The following PDZRN4 variants were observed in gnomAD, a reference collection of about 807,000 sequenced individuals.
PDZRN4 encodes PDZ domain containing ring finger 4, also known as PDZ domain-containing RING finger protein 4.
In PDZRN4, 70 loss-of-function variants were observed where a neutral mutation model predicts 99.0. The ratio of observed to expected loss-of-function variants is 0.71; its 90% CI spans 0.58 to 0.86. The LOEUF (loss-of-function observed/expected upper bound fraction) is 0.86, where lower values mean the gene tolerates loss of function less well. Among genes scored for constraint, PDZRN4 ranks in the 40% least tolerant of loss-of-function variants. The probability of loss-of-function intolerance (pLI) is 0.00; values close to 1 mark genes in which losing one functional copy is unlikely to be tolerated. For synonymous variants in PDZRN4, 551 were observed against 501.6 expected (o/e 1.10, Z -1.32); for missense variants, 1,474 against 1,331.2 (o/e 1.11, Z -1.67).
intron 3 of PDZRN4, among the ~76,000 whole-genome samples, chr12:41,403,426 T>C (rs565663502): frequency 1.3e-5 from 2 of 152,172 alleles, no homozygotes; most frequent in African/African-American, 2.4e-5. Context: ...TATAAGCTAT[T>C]TCCATCGGGA....
At chr12:41,369,082 T>C (rs1461072590) in intron 3 of PDZRN4, among the ~76,000 whole-genome samples, 1 of 152,122 alleles carries the variant, frequency 6.6e-6, no homozygotes, top group Non-Finnish European at 1.5e-5. Flanking sequence ...TAAAGATAAT[T>C]ATTTTTATGT....
chr12:41,528,070 G>C (rs182768223), intron 5 of PDZRN4, among the ~76,000 whole-genome samples: 1 of 152,258 alleles, frequency 6.6e-6, no homozygotes, highest in African/African-American at 2.4e-5. Flanking sequence ...TAGCAAAAAG[G>C]GTAGTAAATT....
intron 3 of PDZRN4, among the ~76,000 whole-genome samples, chr12:41,390,325 C>A (rs1039300890): frequency 6.6e-6 from 1 of 151,892 alleles, no homozygotes; most frequent in African/African-American, 2.4e-5. Context: ...TTAAATGCAG[C>A]CTGAGATATT....
At chr12:41,499,115 G>A (rs948720862) in intron 3 of PDZRN4, among the ~76,000 whole-genome samples, 5 of 152,080 alleles carry the variant, frequency 3.3e-5, no homozygotes, top group African/African-American at 1.2e-4. Flanking sequence ...GGAGAGTGAA[G>A]GTGAGTCAGG....
chr12:41,309,681 T>TATAA lies in PDZRN4; in HGVS notation c.843+115510_843+115513dup, dbSNP rs550886314. On this transcript the variant is annotated intron_variant, in intron 3 of 9. Coordinates refer to ENST00000402685, the MANE Select transcript of PDZRN4 (RefSeq NM_001164595.2). ...ATGGCTGTAATATGTAAAGCCTTGA[T>TATAA]ATAAATAAATAAATAAATAAGAAAA... Among the ~76,000 whole-genome samples the TATAA allele has an allele frequency of 1.4e-3, 214 of 152,008 alleles. 1 individual carries two copies. Among genetic ancestry groups the TATAA allele is most frequent in the African/African-American group, 2.4e-3 (98 of 41,478 alleles).
At chr12:41,439,277 A>G (rs1952657125) in intron 3 of PDZRN4, among the ~76,000 whole-genome samples, 1 of 152,064 alleles carries the variant, frequency 6.6e-6, no homozygotes, top group Non-Finnish European at 1.5e-5. Flanking sequence ...TTGCAAGGAT[A>G]GGCTAAAATA....
At chr12:41,397,375 T>C (rs1306007703) in intron 3 of PDZRN4, among the ~76,000 whole-genome samples, 1 of 152,192 alleles carries the variant, frequency 6.6e-6, no homozygotes, top group Non-Finnish European at 1.5e-5. Context: ...TGCTTTGCCC[T>C]GTGCTTGTAA....
In PDZRN4 at chr12:41,189,121, G is replaced by T; in HGVS notation, c.648+18G>T. 1 of 1,572,172 alleles carries T rather than the reference G, an allele frequency of 6.4e-7. No individual in the cohort carries two copies. The highest frequency in any genetic ancestry group is 8.6e-7 in the Non-Finnish European group (1 of 1,167,052). ...ACCGCAGGGTAAGCAAAGGGGGGTG[G>T]GCACCGCGGGCATGGTCGATTGGGG... On this transcript the variant is annotated intron_variant, in intron 1 of 9. Transcript: ENST00000402685.
intron 3 of PDZRN4, among the ~76,000 whole-genome samples, chr12:41,252,474 G>A (rs1019838844): frequency 2.0e-5 from 3 of 152,148 alleles, no homozygotes; most frequent in East Asian, 3.9e-4. Context: ...CAGGCCAGGC[G>A]CAGTGGCTCA....
intron 3 of PDZRN4, among the ~76,000 whole-genome samples, chr12:41,493,662 G>C (rs563122179): frequency 6.6e-6 from 1 of 152,100 alleles, no homozygotes; most frequent in Admixed American, 6.6e-5. Context: ...TCCAGCTGCT[G>C]TCTTAGGGAA....
At chr12:41,213,089 C>T (rs1459114496) in intron 3 of PDZRN4, among the ~76,000 whole-genome samples, 1 of 151,944 alleles carries the variant, frequency 6.6e-6, no homozygotes, top group African/African-American at 2.4e-5. Flanking sequence ...CAAATGTGCC[C>T]CAATTTGATG....
chr12:41,502,626 G>A (rs1938130903), intron 3 of PDZRN4, among the ~76,000 whole-genome samples: 1 of 151,846 alleles, frequency 6.6e-6, no homozygotes, highest in Non-Finnish European at 1.5e-5. Context: ...AGAAATATTG[G>A]GTATCTACCC....
At chr12:41,236,111 C>A (rs1289786248) in intron 3 of PDZRN4, among the ~76,000 whole-genome samples, 4 of 152,058 alleles carry the variant, frequency 2.6e-5, no homozygotes, top group African/African-American at 9.7e-5. Flanking sequence ...TGAATAGTTT[C>A]TAACCAAAGA....
intron 3 of PDZRN4, among the ~76,000 whole-genome samples, chr12:41,375,221 C>T (rs1288522992): frequency 6.6e-6 from 1 of 152,082 alleles, no homozygotes; most frequent in Admixed American, 6.5e-5. Flanking sequence ...GTTCTCAGAC[C>T]CCTTACTCTC....
At chr12:41,500,947 G>C (rs1275913413) in intron 3 of PDZRN4, among the ~76,000 whole-genome samples, 2 of 152,092 alleles carry the variant, frequency 1.3e-5, no homozygotes, top group African/African-American at 2.4e-5. Flanking sequence ...ATAGAGAATT[G>C]ACTCTGCGTC....
chr12:41,191,407 T>A (rs1023187170), intron 1 of PDZRN4, 51 bp from the exon 2 acceptor site: 4 of 896,140 alleles, frequency 4.5e-6, no homozygotes, highest in Non-Finnish European at 7.2e-6. Context: ...TAGGATTTAT[T>A]TTTCTTTTAT....
chr12:41,245,246 A>G (rs192109357), intron 3 of PDZRN4, among the ~76,000 whole-genome samples: 1 of 152,158 alleles, frequency 6.6e-6, no homozygotes, highest in East Asian at 1.9e-4. Flanking sequence ...TTTGTTCATG[A>G]CATCTCTAGA....
At chr12:41,244,980 G>A (rs1333313917) in intron 3 of PDZRN4, among the ~76,000 whole-genome samples, 4 of 152,026 alleles carry the variant, frequency 2.6e-5, no homozygotes, top group Admixed American at 6.6e-5. Flanking sequence ...GTGAGCCACC[G>A]CGCCCGGCCC....
intron 3 of PDZRN4, among the ~76,000 whole-genome samples, chr12:41,503,855 A>G (rs1381311337): frequency 6.6e-6 from 1 of 152,214 alleles, no homozygotes; most frequent in Non-Finnish European, 1.5e-5. Context: ...TTACCTTCAG[A>G]TATTGGATAA....
Sources: allele counts gnomAD v4.1 joint callset (sites outside exome capture counted in the v4.1 genomes callset), GRCh38; gene constraint gnomAD v4.1.1; transcripts MANE v1.5; gene names NCBI Gene and HGNC (gene_info 2026-07-23, HGNC 2026-07-21).